Variants in NTM observed in about 807,000 individuals in gnomAD.
NTM encodes the protein neurotrimin.
A neutral mutation model predicts 42.1 loss-of-function variants in NTM; 13 were observed. That is an observed-to-expected ratio of 0.31 (90% CI 0.20 to 0.49). The LOEUF (loss-of-function observed/expected upper bound fraction) is 0.49, where lower values mean the gene tolerates loss of function less well. NTM is among the 20% of genes least tolerant of loss of function. The probability of loss-of-function intolerance (pLI) is 0.99; values close to 1 mark genes in which losing one functional copy is unlikely to be tolerated. For missense variants in NTM, 373 were observed against 452.8 expected (o/e 0.82, Z 1.60); for synonymous variants, 187 against 179.2 (o/e 1.04, Z -0.35).
intron 1 of NTM, among the ~76,000 whole-genome samples, chr11:131,410,670 C>G (rs1946307621): frequency 6.6e-6 from 1 of 152,048 alleles, no homozygotes; most frequent in Admixed American, 6.6e-5. Context: ...AAGAATATAT[C>G]CTTCAACTCT....
At chr11:131,626,910 A>G (rs2063159001) in intron 1 of NTM, among the ~76,000 whole-genome samples, 1 of 152,184 alleles carries the variant, frequency 6.6e-6, no homozygotes, top group South Asian at 2.1e-4. Context: ...CCTAATAGGG[A>G]AGCCACCTTA....
chr11:132,197,951 G>A (rs998285187), intron 3 of NTM, among the ~76,000 whole-genome samples: 52 of 152,054 alleles, frequency 3.4e-4, no homozygotes, highest in African/African-American at 1.2e-3. Flanking sequence ...TAGTGCCACA[G>A]TAAACATACG....
At chr11:132,274,798 A>C (rs1020673777) in intron 4 of NTM, among the ~76,000 whole-genome samples, 4 of 152,100 alleles carry the variant, frequency 2.6e-5, no homozygotes, top group Admixed American at 2.6e-4. Context: ...AGTCTCTTTA[A>C]ATTTTAGCCA....
chr11:132,244,144 G>C (rs1175468849), intron 4 of NTM, among the ~76,000 whole-genome samples: 1 of 152,204 alleles, frequency 6.6e-6, no homozygotes, highest in Non-Finnish European at 1.5e-5. Context: ...CCTGCAGCCA[G>C]TGACCCTAAG....
At chr11:131,983,377 T>C (rs914902921) in intron 2 of NTM, among the ~76,000 whole-genome samples, 2 of 138,768 alleles carry the variant, frequency 1.4e-5, no homozygotes, top group Non-Finnish European at 1.5e-5. Context: ...ATTGTATCTT[T>C]TTTTTTTTTT....
At chr11:132,253,965 G>T (rs940949127) in intron 4 of NTM, among the ~76,000 whole-genome samples, 50 of 152,166 alleles carry the variant, frequency 3.3e-4, no homozygotes, top group African/African-American at 1.2e-3. Context: ...GTTCTCCCTG[G>T]ATATGGAGTC....
chr11:132,279,363 G>T (rs2093874781), intron 4 of NTM, among the ~76,000 whole-genome samples: 1 of 152,096 alleles, frequency 6.6e-6, no homozygotes, highest in Non-Finnish European at 1.5e-5. Context: ...CCATTCTGCT[G>T]CTAGAGGGCA....
chr11:131,816,319 C>T (rs1407230761), intron 1 of NTM, among the ~76,000 whole-genome samples: 1 of 152,118 alleles, frequency 6.6e-6, no homozygotes, highest in Non-Finnish European at 1.5e-5. Flanking sequence ...GTACAATGTC[C>T]ATGCCTTAGT....
intron 4 of NTM, among the ~76,000 whole-genome samples, chr11:132,212,351 C>G (rs1304125310): frequency 6.6e-6 from 1 of 152,184 alleles, no homozygotes; most frequent in Non-Finnish European, 1.5e-5. Context: ...ATTCATACCT[C>G]AGTATCTCTC....
chr11:131,797,475 T>C (rs1175514056), intron 1 of NTM, among the ~76,000 whole-genome samples: 1 of 152,198 alleles, frequency 6.6e-6, no homozygotes, highest in Non-Finnish European at 1.5e-5. Context: ...CCGGATAGAA[T>C]CGAAGGAAAT....
chr11:131,833,691 G>T (rs148445909), intron 1 of NTM, among the ~76,000 whole-genome samples: 7 of 152,142 alleles, frequency 4.6e-5, no homozygotes, highest in African/African-American at 1.7e-4. Context: ...TAACCCTGCC[G>T]TGTTTTCCAT....
intron 1 of NTM, among the ~76,000 whole-genome samples, chr11:131,565,444 CG>C (rs972696268): frequency 2.6e-5 from 4 of 152,268 alleles, no homozygotes; most frequent in African/African-American, 9.6e-5. Context: ...GCGGTGAGAG[CG>C]GGGTTGGTTC....
In NTM at chr11:132,310,222, G is replaced by A; in HGVS notation, c.772G>A (p.Asp258Asn). ...CTCAGCAGAATTCCAGTGGTACAAG[G>A]ATGACAAAAGGTAAAGCTTCCTTCT... ...VPSAEFQWYK[D>N]DKRLIEGKKG... The change falls in exon 6 of 9, where the codon GAT (aspartate) becomes AAT (asparagine). Residue 258 changes from aspartate (D) to asparagine (N), a missense_variant. Asp to Asn is a conservative substitution (Grantham distance 23). This residue lies in a region of NTM where 312 missense variants were observed against 353.5 expected (regional missense o/e 0.88). Coordinates refer to ENST00000683400, the MANE Select transcript of NTM (RefSeq NM_001352005.2). 6.2e-7 allele frequency: 1 copy of A among 1,600,728 alleles called. No individual in the cohort carries two copies. Among genetic ancestry groups the A allele is most frequent in the Non-Finnish European group, 8.5e-7 (1 of 1,175,548 alleles).
At chr11:131,617,052 T>C (rs2062011659) in intron 1 of NTM, among the ~76,000 whole-genome samples, 1 of 152,160 alleles carries the variant, frequency 6.6e-6, no homozygotes, top group African/African-American at 2.4e-5. Flanking sequence ...CACTGCATTT[T>C]GTCAAACTAT....
chr11:131,432,839 C>CCTTTTTTTTTTTTT (rs1565494793), intron 1 of NTM, among the ~76,000 whole-genome samples: 1 of 68,694 alleles, frequency 1.5e-5, no homozygotes, highest in Non-Finnish European at 2.6e-5. Flanking sequence ...ATTTAGCATT[C>CCTTTTTTTTTTTTT]TTTTTTTTTT....
chr11:132,058,511 G>A (rs1418370225), intron 2 of NTM, among the ~76,000 whole-genome samples: 1 of 152,172 alleles, frequency 6.6e-6, no homozygotes, highest in African/African-American at 2.4e-5. Flanking sequence ...CTAATGCTGT[G>A]TTGCTTCCAA....
intron 2 of NTM, among the ~76,000 whole-genome samples, chr11:132,058,783 A>G (rs1185464254): frequency 6.6e-6 from 1 of 152,214 alleles, no homozygotes; most frequent in East Asian, 1.9e-4. Context: ...ATAGGATCAC[A>G]GCCCAGGGCC....
chr11:131,665,477 G>T (rs1401338230), intron 1 of NTM, among the ~76,000 whole-genome samples: 4 of 152,174 alleles, frequency 2.6e-5, no homozygotes, highest in Non-Finnish European at 5.9e-5. Flanking sequence ...AGGGCAAAAA[G>T]AGGTCATATG....
At chr11:131,812,212 CTCTCTCTCTT>C (rs2092763937) in intron 1 of NTM, among the ~76,000 whole-genome samples, 2 of 139,628 alleles carry the variant, frequency 1.4e-5, no homozygotes, top group African/African-American at 5.7e-5. Flanking sequence ...CTCTCTCTCT[CTCTCTCTCTT>C]CCCCTTCCTC....
Sources: allele counts gnomAD v4.1 joint callset (sites outside exome capture counted in the v4.1 genomes callset), GRCh38; gene constraint gnomAD v4.1.1; regional missense constraint gnomAD v4.1.1; transcripts MANE v1.5; gene names NCBI Gene and HGNC (gene_info 2026-07-23, HGNC 2026-07-21).